Variants in SPAG16 observed in about 807,000 individuals in gnomAD.
SPAG16 encodes sperm associated antigen 16.
A neutral mutation model predicts 80.4 loss-of-function variants in SPAG16; 86 were observed. That is an observed-to-expected ratio of 1.07 (90% CI 0.90 to 1.28). The LOEUF is 1.28. SPAG16 is among the 50% of genes most tolerant of loss of function. SPAG16 has a pLI of 0.00. For missense variants in SPAG16, 870 were observed against 765.3 expected, an observed-to-expected ratio of 1.14 and a Z score of -1.61; for synonymous variants, 294 against 265.9, an observed-to-expected ratio of 1.11 and a Z score of -1.03.
At chr2:213,871,877 CACAGAG>C (rs771094907) in intron 11 of SPAG16, among the ~76,000 whole-genome samples, 1,137 of 51,038 alleles carry the variant, frequency 0.022, 19 homozygotes, top group African/African-American at 0.056. Context: ...CACACACACA[CACAGAG>C]AGAGAGAGAG....
intron 15 of SPAG16, 137 bp downstream of exon 15, chr2:214,149,403 T>G (rs2055863896): frequency 1.3e-6 from 1 of 741,236 alleles, no homozygotes; most frequent in Non-Finnish European, 1.9e-6. Flanking sequence ...TTACATTACA[T>G]TAAGATATAT....
chr2:213,718,442 G>C (rs2066346338), intron 10 of SPAG16, among the ~76,000 whole-genome samples: 1 of 152,172 alleles, frequency 6.6e-6, no homozygotes. Context: ...CCCTTTCTGG[G>C]CTGGCCAAGG....
intron 9 of SPAG16, among the ~76,000 whole-genome samples, chr2:213,476,103 T>C (rs1250099227): frequency 6.6e-6 from 1 of 152,242 alleles, no homozygotes; most frequent in Non-Finnish European, 1.5e-5. Context: ...ACACTCCCGA[T>C]AACTAAGCCA....
chr2:214,094,914 C>T (rs749917550), intron 13 of SPAG16, among the ~76,000 whole-genome samples: 32 of 151,968 alleles, frequency 2.1e-4, no homozygotes, highest in Non-Finnish European at 3.5e-4. Flanking sequence ...GTTAGGTAGC[C>T]GGTTTCTGGA....
At chr2:213,941,212 A>G (rs558150056) in intron 12 of SPAG16, among the ~76,000 whole-genome samples, 8 of 152,274 alleles carry the variant, frequency 5.3e-5, no homozygotes, top group African/African-American at 1.9e-4. Flanking sequence ...TCAACAAAAT[A>G]TTCTATGTCT....
At chr2:213,307,717 G>A (rs2063009310) in intron 3 of SPAG16, among the ~76,000 whole-genome samples, 1 of 151,906 alleles carries the variant, frequency 6.6e-6, no homozygotes, top group Admixed American at 6.6e-5. Context: ...GGGATGGCTG[G>A]GTCAAATGGT....
At chr2:213,675,259 G>C (rs1559365504) in intron 10 of SPAG16, among the ~76,000 whole-genome samples, 2 of 152,168 alleles carry the variant, frequency 1.3e-5, no homozygotes, top group South Asian at 2.1e-4. Flanking sequence ...AAATTTGTTT[G>C]AGTTCATTGT....
chr2:213,783,500 A>G (rs1421430082), intron 10 of SPAG16, among the ~76,000 whole-genome samples: 1 of 130,058 alleles, frequency 7.7e-6, no homozygotes, highest in Non-Finnish European at 1.6e-5. Flanking sequence ...CCTATGCCAC[A>G]GAAGACTTAA....
chr2:213,316,702 C>T (rs1284204339), intron 4 of SPAG16, among the ~76,000 whole-genome samples: 1 of 152,032 alleles, frequency 6.6e-6, no homozygotes, highest in Non-Finnish European at 1.5e-5. Flanking sequence ...ACTTTTCCAT[C>T]TGCCCCAGCT....
chr2:213,657,833 G>GAAGA (rs150577491), intron 10 of SPAG16, among the ~76,000 whole-genome samples: 9,184 of 152,094 alleles, frequency 0.06, 894 homozygotes, highest in African/African-American at 0.21. Flanking sequence ...AAATATTTTA[G>GAAGA]AAGAAACAGA....
intron 15 of SPAG16, among the ~76,000 whole-genome samples, chr2:214,228,787 A>T (rs990419853): frequency 5.3e-5 from 8 of 151,916 alleles, no homozygotes; most frequent in Non-Finnish European, 1.5e-5. Flanking sequence ...TTTAATCTAC[A>T]TTTAAAAGAC....
chr2:214,054,049 C>T (rs1348583317), intron 13 of SPAG16, among the ~76,000 whole-genome samples: 1 of 152,030 alleles, frequency 6.6e-6, no homozygotes, highest in South Asian at 2.1e-4. Context: ...ACGGAGCCTC[C>T]CTTTTGTTGG....
At chr2:213,836,347 C>G (rs1002309107) in intron 10 of SPAG16, among the ~76,000 whole-genome samples, 3 of 151,912 alleles carry the variant, frequency 2.0e-5, no homozygotes, top group African/African-American at 4.8e-5. Context: ...GAGAAATATG[C>G]TTTAGTGGAA....
At chr2:214,067,979 A>G (rs1343924767) in intron 13 of SPAG16, among the ~76,000 whole-genome samples, 1 of 152,182 alleles carries the variant, frequency 6.6e-6, no homozygotes, top group Non-Finnish European at 1.5e-5. Context: ...TAACCTTCAA[A>G]ATATTTTTTT....
intron 11 of SPAG16, among the ~76,000 whole-genome samples, chr2:213,915,887 T>C (rs2077937563): frequency 6.6e-6 from 1 of 152,226 alleles, no homozygotes; most frequent in African/African-American, 2.4e-5. Context: ...ACGAGCTTTT[T>C]TTCATGTTTG....
intron 10 of SPAG16, among the ~76,000 whole-genome samples, chr2:213,671,041 A>G (rs1052049832): frequency 1.3e-5 from 2 of 152,214 alleles, no homozygotes; most frequent in Admixed American, 6.5e-5. Context: ...ATTCATTGCT[A>G]TCATCCCTGA....
At chr2:214,270,712 G>A (rs144405969) in intron 15 of SPAG16, among the ~76,000 whole-genome samples, 19 of 152,080 alleles carry the variant, frequency 1.2e-4, no homozygotes, top group African/African-American at 4.3e-4. Flanking sequence ...GATTAGTCCC[G>A]TGGTTGTCTC....
chr2:213,667,538 A>C (rs2063653689), intron 10 of SPAG16, among the ~76,000 whole-genome samples: 1 of 152,216 alleles, frequency 6.6e-6, no homozygotes, highest in Non-Finnish European at 1.5e-5. Flanking sequence ...TTGTGTTTTA[A>C]GTTCCTGTCT....
intron 12 of SPAG16, among the ~76,000 whole-genome samples, chr2:213,989,260 T>G (rs2046167385): frequency 6.6e-6 from 1 of 152,096 alleles, no homozygotes; most frequent in African/African-American, 2.4e-5. Context: ...TCTTTCTGCC[T>G]TTTCATTTAT....
Sources: allele counts gnomAD v4.1 joint callset (sites outside exome capture counted in the v4.1 genomes callset), GRCh38; gene constraint gnomAD v4.1.1; transcripts MANE v1.5; gene names NCBI Gene and HGNC (gene_info 2026-07-23, HGNC 2026-07-21).